The following PLA2G4E variants were observed in gnomAD, a reference collection of about 807,000 sequenced individuals.
The protein encoded by PLA2G4E is cytosolic phospholipase A2 epsilon.
Under a neutral mutation model 109.1 loss-of-function variants are expected in PLA2G4E, and 84 were observed. That is an observed-to-expected ratio of 0.77 (90% CI 0.65 to 0.92). PLA2G4E has a LOEUF of 0.92. Ranked by LOEUF, PLA2G4E falls within the 40% of genes least tolerant of loss-of-function variation. The pLI, the probability that PLA2G4E is intolerant of heterozygous loss-of-function variation, is 0.00. For synonymous variants in PLA2G4E, 469 were observed against 436.1 expected (o/e 1.08, Z -0.94); for missense variants, 1,057 against 1,076.6 (o/e 0.98, Z 0.25).
chr15:42,010,821 C>G lies in PLA2G4E; in HGVS notation c.256+2864G>C, dbSNP rs371521993. ...ATTGTCTCTCAGTCCTGGCCCAAGG[C>G]TCTTTCAGTTATCGAGGAGTCAGCC... On this transcript the variant is annotated intron_variant, in intron 2 of 19. Transcript: ENST00000399518. Among the ~76,000 whole-genome samples the G allele has an allele frequency of 2.0e-5, 3 of 151,834 alleles. No homozygotes were observed. The East Asian group carries it at 5.8e-4, about 29-fold the overall frequency.
rs535670557 is a variant in PLA2G4E, at chr15:42,022,496, G to C, written c.184-8739C>G. ...ATAATGTAGAATCAGTGGGAACCCT[G>C]AGCTTGTTTTCCTGCAACTAGATGG... On this transcript the variant is annotated intron_variant, in intron 1 of 19. Coordinates refer to ENST00000399518, the Ensembl canonical transcript of PLA2G4E. Among the ~76,000 whole-genome samples, 3 of 152,106 alleles carry C rather than the reference G, an allele frequency of 2.0e-5. No homozygotes were observed. The East Asian group carries it at 5.8e-4, about 29-fold the overall frequency.
In PLA2G4E at chr15:41,986,013, C is replaced by A; in HGVS notation, c.2036-8G>T. The A allele has an allele frequency of 1.3e-6, 2 of 1,583,244 alleles. No individual in the cohort carries two copies. The highest frequency in any genetic ancestry group is 1.7e-6 in the Non-Finnish European group (2 of 1,163,516). On this transcript the variant is annotated splice_region_variant and splice_polypyrimidine_tract_variant and intron_variant, in intron 17 of 19. Transcript: ENST00000399518. ...AACCATCTAGCACTGTGTCTGAAAG[C>A]CAAGCCTTCCCGTTACCAACACACC... is the stretch of plus-strand genomic sequence containing the variant.
In PLA2G4E at chr15:42,018,542, A is replaced by G. The variant is rs2068617996; in HGVS notation, c.184-4785T>C. On this transcript the variant is annotated intron_variant, in intron 1 of 19. Transcript: ENST00000399518. ...GAGGGCCCTGGGGTAAGGACCAGGG[A>G]GCACTTGAAGACTTGGAGCTCAAGG... 3.9e-5 allele frequency among the ~76,000 whole-genome samples: 6 copies of G among 152,288 alleles called. 2 individuals carry two copies. The South Asian group carries it at 1.2e-3, about 32-fold the overall frequency.
In PLA2G4E at chr15:41,983,787, C is replaced by G. The variant is rs977203088; in HGVS notation, c.2574G>C (p.Lys858Asn). Reference sequence around the variant, plus strand: ...GACACTGGCCCTTCAGGCGCTTCTTCTTCTCCACTGCGAGCCGCAGAGCCT... The same window carrying G: ...GACACTGGCCCTTCAGGCGCTTCTTGTTCTCCACTGCGAGCCGCAGAGCCT... The change falls in exon 20 of 20, where the codon AAG becomes AAC. Residue 858 changes from lysine to asparagine, a missense_variant. By Grantham distance (94) the Lys-to-Asn change is moderately conservative (BLOSUM62 0). Transcript: ENST00000399518. 3.7e-6 allele frequency: 6 copies of G among 1,603,838 alleles called. No homozygotes were observed. Among genetic ancestry groups the G allele is most frequent in the Non-Finnish European group, 5.1e-6 (6 of 1,175,080 alleles).
At chr15:42,035,804 C>T (rs1889202729) in intron 1 of PLA2G4E, among the ~76,000 whole-genome samples, 1 of 152,132 alleles carries the variant, frequency 6.6e-6, no homozygotes, top group South Asian at 2.1e-4. Flanking sequence ...ATTCTCTATA[C>T]ATTTTGTATA....
chr15:42,026,839 G>C (rs149884014), intron 1 of PLA2G4E, among the ~76,000 whole-genome samples: 1,753 of 152,092 alleles, frequency 0.012, 29 homozygotes, highest in African/African-American at 0.041. Flanking sequence ...TGGGCGTGGT[G>C]GTGGGTGCCT....
At chr15:42,014,160 G>A (rs181802309) in intron 1 of PLA2G4E, among the ~76,000 whole-genome samples, 93 of 152,144 alleles carry the variant, frequency 6.1e-4, no homozygotes, top group African/African-American at 2.0e-3. Flanking sequence ...CCAAAGTGCT[G>A]GGATTACAGG....
At chr15:42,040,155 G>C (rs1193449195) in intron 1 of PLA2G4E, among the ~76,000 whole-genome samples, 1 of 151,918 alleles carries the variant, frequency 6.6e-6, no homozygotes, top group Non-Finnish European at 1.5e-5. Context: ...GGGTAACATA[G>C]TGAGACCCCC....
chr15:42,012,909 T>C (rs1328784057), intron 2 of PLA2G4E, among the ~76,000 whole-genome samples: 2 of 152,082 alleles, frequency 1.3e-5, no homozygotes, highest in Admixed American at 1.3e-4. Flanking sequence ...TTTTCCCCCT[T>C]GGGGGCCAAC....
intron 10 of PLA2G4E, chr15:41,998,962 A>T (rs1029864303): frequency 1.3e-5 from 2 of 152,260 alleles, no homozygotes; most frequent in African/African-American, 2.4e-5. Flanking sequence ...CTGAGGCAGG[A>T]GAATCGCTTA....
At chr15:42,032,555 G>A (rs1210707482) in intron 1 of PLA2G4E, among the ~76,000 whole-genome samples, 1 of 152,258 alleles carries the variant, frequency 6.6e-6, no homozygotes, top group Non-Finnish European at 1.5e-5. Context: ...AAGGCAGTGT[G>A]GGGGTGGACA....
chr15:42,033,812 C>T (rs1460590456), intron 1 of PLA2G4E, among the ~76,000 whole-genome samples: 1 of 152,130 alleles, frequency 6.6e-6, no homozygotes, highest in Non-Finnish European at 1.5e-5. Context: ...GTGGAGTGGG[C>T]CCTGGTGGGG....
chr15:42,033,087 ATT>A (rs1291426046), intron 1 of PLA2G4E, among the ~76,000 whole-genome samples: 6 of 151,900 alleles, frequency 3.9e-5, no homozygotes, highest in Non-Finnish European at 8.8e-5. Context: ...GTGTGAATAT[ATT>A]GTGTGAGTGT....
intron 19 of PLA2G4E, 92 bp from the exon 20 acceptor site, chr15:41,984,066 A>C: frequency 1.8e-6 from 2 of 1,103,778 alleles, no homozygotes; most frequent in Non-Finnish European, 1.3e-6. Context: ...ACCAACCTGC[A>C]CTCACGGACA....
intron 1 of PLA2G4E, among the ~76,000 whole-genome samples, chr15:42,029,585 G>T (rs1889078934): frequency 6.6e-6 from 1 of 152,192 alleles, no homozygotes; most frequent in African/African-American, 2.4e-5. Flanking sequence ...CTTTGGTAAG[G>T]ATGACATCGT....
intron 1 of PLA2G4E, among the ~76,000 whole-genome samples, chr15:42,050,048 G>A (rs1452115993): frequency 1.3e-5 from 2 of 152,136 alleles, no homozygotes; most frequent in East Asian, 1.9e-4. Flanking sequence ...TTACACTTAC[G>A]ACCCTGCCAG....
chr15:41,997,322 T>C (rs1032703839), intron 10 of PLA2G4E, 63 bp from the exon 11 acceptor site: 89 of 1,448,554 alleles, frequency 6.1e-5, no homozygotes, highest in Non-Finnish European at 7.7e-5. Flanking sequence ...TAGACACAGC[T>C]TCAGGGTCCA....
chr15:42,044,515 C>T (rs529519444), intron 1 of PLA2G4E, among the ~76,000 whole-genome samples: 24 of 151,736 alleles, frequency 1.6e-4, no homozygotes, highest in African/African-American at 5.8e-4. Flanking sequence ...TGGATGCCAC[C>T]GAAGGGTATT....
intron 2 of PLA2G4E, among the ~76,000 whole-genome samples, chr15:42,008,450 CTCT>C (rs1223127028): frequency 1.3e-5 from 2 of 152,248 alleles, no homozygotes; most frequent in Non-Finnish European, 2.9e-5. Flanking sequence ...TCCAGCCAGG[CTCT>C]TCTTACCTAT....
Sources: gnomAD v4.1 joint callset for allele counts (sites outside exome capture counted in the v4.1 genomes callset) on GRCh38, gnomAD v4.1.1 for gene constraint, MANE v1.5 for transcripts, NCBI Gene and HGNC (gene_info 2026-07-23, HGNC 2026-07-21) for gene names.